The following IRAG2 variants were observed in gnomAD, a reference collection of about 807,000 sequenced individuals.
IRAG2 encodes inositol 1,4,5-triphosphate receptor associated 2.
A neutral mutation model predicts 69.9 loss-of-function variants in IRAG2; 45 were observed. The ratio of observed to expected loss-of-function variants is 0.64; its 90% CI spans 0.51 to 0.83. The LOEUF (loss-of-function observed/expected upper bound fraction) is 0.83. IRAG2 is among the 40% of genes least tolerant of loss of function. The pLI is 0.00. For missense variants in IRAG2, 520 were observed against 587.0 expected, an observed-to-expected ratio of 0.89 and a Z score of 1.18; for synonymous variants, 193 against 202.4, an observed-to-expected ratio of 0.95 and a Z score of 0.40.
At chr12:25,079,591 G>A in intron 8 of IRAG2, 65 bp from the exon 9 acceptor site, 5 of 1,282,270 alleles carry the variant, frequency 3.9e-6, no homozygotes, top group Non-Finnish European at 5.7e-6. Context: ...GCATAGTATA[G>A]TTAAATACAC....
rs74867009 is a variant in IRAG2, at chr12:25,063,777, C to T, written c.-246C>T. 28,557 of 399,000 alleles carry T rather than the reference C, an allele frequency of 0.072. 1,258 individuals carry two copies. The highest frequency in any genetic ancestry group is 0.088 in the Non-Finnish European group (19,966 of 226,060). 24.7% of individuals were successfully genotyped at this position (399,000 alleles called of 1,614,324 possible). ...AGAAGCAAGAATACATCAGACACCC[C>T]TGACCTTGAAACATACGTGCTGGTA... On this transcript the variant is annotated 5_prime_UTR_variant, in exon 4 of 22. Transcript: ENST00000556887.
At chr12:25,104,554 G>A (rs1948927894) in intron 20 of IRAG2, 92 bp downstream of exon 20, 5 of 737,556 alleles carry the variant, frequency 6.8e-6, no homozygotes, top group Non-Finnish European at 1.2e-5. Flanking sequence ...AAATAATGCT[G>A]TATAATTAAA....
At chr12:25,071,700 A>G (rs1455018368) in intron 6 of IRAG2, among the ~76,000 whole-genome samples, 2 of 152,224 alleles carry the variant, frequency 1.3e-5, no homozygotes, top group Admixed American at 1.3e-4. Context: ...AGATTTGTCC[A>G]GCTTCAAAGG....
upstream of IRAG2, chr12:25,004,224 T>C (rs1944413925): frequency 5.9e-6 from 4 of 683,272 alleles, no homozygotes; most frequent in Non-Finnish European, 8.2e-6. Flanking sequence ...CCAAAGTTGA[T>C]TTGGGAATAA....
intron 1 of IRAG2, among the ~76,000 whole-genome samples, chr12:25,060,897 G>A (rs1945588346): frequency 6.6e-6 from 1 of 151,670 alleles, no homozygotes; most frequent in Non-Finnish European, 1.5e-5. Flanking sequence ...CAAAGTACTG[G>A]CCTAAAATGA....
intron 16 of IRAG2, 51 bp from the exon 17 acceptor site, chr12:25,102,147 A>G (rs780635509): frequency 4.8e-6 from 7 of 1,462,090 alleles, no homozygotes; most frequent in South Asian, 1.2e-5. Context: ...TTGCTTTAAC[A>G]TAAATGGCAT....
At chr12:25,066,254 A>T (rs1945976327) in intron 4 of IRAG2, 111 bp from the exon 5 acceptor site, 1 of 394,946 alleles carries the variant, frequency 2.5e-6, no homozygotes, top group South Asian at 1.4e-4. Context: ...TGTGAATAGA[A>T]GCGGGTTAAC....
At chr12:25,061,525 G>A (rs938098863) in intron 1 of IRAG2, 67 bp from the exon 2 acceptor site, 1 of 397,988 alleles carries the variant, frequency 2.5e-6, no homozygotes. Context: ...ATCCTGTCTT[G>A]AAATAAATTC....
At position 25,052,738 on chromosome 12, in the gene IRAG2, A is replaced by C. The variant is rs1944918356; in HGVS notation, c.-665A>C. On this transcript the variant is annotated 5_prime_UTR_variant, in exon 1 of 22. Coordinates refer to ENST00000556887, the MANE Select transcript of IRAG2 (RefSeq NM_001366544.2). ...CCTGCATCATAAGAGTGAGCACTCC[A>C]TTGCTTTCTTTCCTGGCCACACTGC... 1 of 398,458 alleles carries C rather than the reference A, an allele frequency of 2.5e-6. No homozygotes were observed. Among genetic ancestry groups the C allele is most frequent in the Admixed American group, 4.4e-5 (1 of 22,710 alleles). The allele number at this position is 398,458 out of a possible 1,614,324, so 24.7% of individuals were successfully genotyped here. A position where few individuals can be genotyped will look rare whatever the true frequency, so the allele number is the denominator to read the frequency against.
rs1441886997 is a variant in IRAG2 at position 25,107,672 on chromosome 12, A to T, written c.1257-145A>T. On this transcript the variant is annotated intron_variant, in intron 21 of 21. Transcript: ENST00000556887. Reference sequence around the variant, plus strand: ...GGGTGGGAGGCAGATTGTTTCCAAAACCAAAATGATAAATCATAATATGTA... The same window carrying T: ...GGGTGGGAGGCAGATTGTTTCCAAATCCAAAATGATAAATCATAATATGTA... The T allele has an allele frequency of 4.1e-6, 3 of 725,108 alleles. No individual in the cohort carries two copies. The African/African-American group carries it at 5.3e-5, about 13-fold the overall frequency. The allele number at this position is 725,108 out of a possible 1,614,324, so 44.9% of individuals were successfully genotyped here.
At chr12:24,998,673 T>C in the IRAG2 span, among the ~76,000 whole-genome samples, 2 of 152,058 alleles carry the variant, frequency 1.3e-5, no homozygotes, top group Admixed American at 6.5e-5. Context: ...CTCTTGTCTA[T>C]CTACACACAT....
At chr12:25,011,538 T>C (rs1436860778) in exon 3 of IRAG2, 1 of 1,231,490 alleles carries the variant, frequency 8.1e-7, no homozygotes, top group East Asian at 3.2e-5. Flanking sequence ...GATGGCTTAC[T>C]GTGGAAACAC....
In IRAG2 at chr12:25,005,276, G is replaced by T; in HGVS notation, c.610G>T (p.Val204Leu). ...AGAAGCTGATGATGGTAAAGAAGAT[G>T]TAATATACAGCATCAACAGGGCCTG... The change falls in exon 2 of 39, where the codon GTA becomes TTA. Residue 204 changes from valine to leucine, a missense_variant. Transcript: ENST00000636465. The T allele has an allele frequency of 6.5e-6, 8 of 1,230,924 alleles. No individual in the cohort carries two copies. The South Asian group carries it at 2.9e-4, about 44-fold the overall frequency. 76.3% of individuals were successfully genotyped at this position (1,230,924 alleles called of 1,614,324 possible).
chr12:25,025,663 G>A (rs954605233), intron 8 of IRAG2, among the ~76,000 whole-genome samples: 1 of 152,230 alleles, frequency 6.6e-6, no homozygotes, highest in African/African-American at 2.4e-5. Flanking sequence ...AAAGCAGGAA[G>A]ACCAATTAAG....
At chr12:25,068,534 T>G (rs1351236677) in intron 5 of IRAG2, among the ~76,000 whole-genome samples, 1 of 152,090 alleles carries the variant, frequency 6.6e-6, no homozygotes, top group African/African-American at 2.4e-5. Context: ...TCCCAGGAGC[T>G]TGGCAGGGTG....
In IRAG2 at chr12:25,108,065, A is replaced by C. The variant is rs756037203; in HGVS notation, c.*5A>C. 1.9e-6 allele frequency: 3 copies of C among 1,612,330 alleles called. No homozygotes were observed. Among genetic ancestry groups the C allele is most frequent in the East Asian group, 2.2e-5 (1 of 44,830 alleles). On this transcript the variant is annotated 3_prime_UTR_variant, in exon 22 of 22. Coordinates refer to ENST00000556887, the MANE Select transcript of IRAG2 (RefSeq NM_001366544.2). ...AATGGGCCACCACCAGTGTGACAGC[A>C]GGACATCCTAATATATGGATCTTGA...
chr12:25,012,151 T>C (rs1362736998), intron 3 of IRAG2, among the ~76,000 whole-genome samples: 1 of 127,594 alleles, frequency 7.8e-6, no homozygotes, highest in Non-Finnish European at 1.6e-5. Flanking sequence ...TCCCTTTTTT[T>C]TTTTTTTTTT....
At chr12:25,018,009 C>T (rs1023566452) in intron 6 of IRAG2, among the ~76,000 whole-genome samples, 7 of 152,016 alleles carry the variant, frequency 4.6e-5, no homozygotes, top group South Asian at 2.1e-4. Flanking sequence ...CATGTTGTAG[C>T]GTGTATTTCT....
intron 6 of IRAG2, among the ~76,000 whole-genome samples, chr12:25,077,120 C>T (rs1946736803): frequency 7.0e-6 from 1 of 142,492 alleles, no homozygotes. Flanking sequence ...CCTTCCACTG[C>T]AGCCTTCCAA....
Sources: allele counts gnomAD v4.1 joint callset (sites outside exome capture counted in the v4.1 genomes callset), GRCh38; gene constraint gnomAD v4.1.1; transcripts MANE v1.5; gene names NCBI Gene and HGNC (gene_info 2026-07-23, HGNC 2026-07-21).